Variants in BLTP1 observed in about 807,000 individuals in gnomAD.
The protein encoded by BLTP1 is fragile site-associated protein.
At chr4:122,189,299 G>C in the BLTP1 span, 3 of 980,024 alleles carry the variant, frequency 3.1e-6, no homozygotes, top group Non-Finnish European at 3.6e-6. Context: ...TGATATGCAA[G>C]AAGATATTGT....
At chr4:122,220,350 T>A in the BLTP1 span, 1 of 1,613,246 alleles carries the variant, frequency 6.2e-7, no homozygotes, top group African/African-American at 1.3e-5. Context: ...CTACTGATGG[T>A]CCTGAATGCC....
chr4:122,180,082 TA>T, the BLTP1 span: 4 of 983,746 alleles, frequency 4.1e-6, no homozygotes, highest in Non-Finnish European at 4.8e-6. Context: ...ACGGCTTCTT[TA>T]AAAAAACCTA....
At chr4:122,222,913 A>AT in the BLTP1 span, 6 of 796,696 alleles carry the variant, frequency 7.5e-6, no homozygotes, top group Non-Finnish European at 9.1e-6. Context: ...AGAATATAAT[A>AT]TTTATTGGTG....
At chr4:122,316,355 A>G in the BLTP1 span, 8 of 471,940 alleles carry the variant, frequency 1.7e-5, no homozygotes, top group Admixed American at 1.4e-4. Context: ...TAGAGTTCAG[A>G]TGGAAGTTCA....
At chr4:122,207,242 G>C in the BLTP1 span, 2 of 1,609,006 alleles carry the variant, frequency 1.2e-6, no homozygotes, top group African/African-American at 1.3e-5. Flanking sequence ...TGGATCGACT[G>C]TTCTACTAAA....
At chr4:122,174,167 C>T in the BLTP1 span, 3 of 982,744 alleles carry the variant, frequency 3.1e-6, no homozygotes, top group African/African-American at 3.5e-5. Context: ...ACCTTTTAGT[C>T]GACATAAAAC....
At chr4:122,312,917 A>T in the BLTP1 span, 2 of 869,674 alleles carry the variant, frequency 2.3e-6, no homozygotes, top group Non-Finnish European at 2.8e-6. Context: ...TCTTCTAAGG[A>T]TGACTGAGGA....
the BLTP1 span, chr4:122,164,526 C>A: frequency 3.5e-6 from 2 of 569,826 alleles, no homozygotes; most frequent in Non-Finnish European, 2.2e-6. Context: ...AAGAGGCTCA[C>A]AGTTTTGACT....
At chr4:122,360,879 C>T in the BLTP1 span, among the ~76,000 whole-genome samples, 1 of 152,010 alleles carries the variant, frequency 6.6e-6, no homozygotes, top group Non-Finnish European at 1.5e-5. Context: ...AAATAGTTAC[C>T]ATATTCCTTT....
chr4:122,308,149 A>C, the BLTP1 span: 1 of 1,613,158 alleles, frequency 6.2e-7, no homozygotes, highest in Non-Finnish European at 8.5e-7. Context: ...ACCTATCACA[A>C]ATACTGCACA....
the BLTP1 span, chr4:122,219,308 G>A: frequency 1.2e-6 from 2 of 1,603,532 alleles, no homozygotes; most frequent in Non-Finnish European, 1.7e-6. Flanking sequence ...TACCTCTTTT[G>A]ACAGCAATTT....
the BLTP1 span, chr4:122,271,222 T>C: frequency 6.2e-7 from 1 of 1,613,958 alleles, no homozygotes; most frequent in East Asian, 2.2e-5. Flanking sequence ...TAAGCCAGCA[T>C]GTAGATATGG....
chr4:122,272,478 GC>G, the BLTP1 span: 61 of 1,273,384 alleles, frequency 4.8e-5, no homozygotes, highest in Middle Eastern at 2.0e-4. Flanking sequence ...GAAAACCACT[GC>G]CATGTCTCCA....
At chr4:122,174,121 T>TC in the BLTP1 span, 4 of 815,704 alleles carry the variant, frequency 4.9e-6, no homozygotes, top group Non-Finnish European at 5.9e-6. Flanking sequence ...GAGAGATGAC[T>TC]GGAGAGAACC....
chr4:122,343,277 C>T, the BLTP1 span: 38 of 1,134,336 alleles, frequency 3.3e-5, no homozygotes, highest in African/African-American at 4.5e-4. Context: ...ATCTATTGAT[C>T]TGTTAAATCT....
At chr4:122,260,285 G>A in the BLTP1 span, among the ~76,000 whole-genome samples, 1 of 152,112 alleles carries the variant, frequency 6.6e-6, no homozygotes, top group Admixed American at 6.6e-5. Context: ...TGTATACGTT[G>A]CCTGTAGTTC....
chr4:122,267,349 G>A, the BLTP1 span, among the ~76,000 whole-genome samples: 2 of 152,040 alleles, frequency 1.3e-5, no homozygotes, highest in Non-Finnish European at 1.5e-5. Flanking sequence ...GTGAGCCATC[G>A]TGCCCAGCCA....
the BLTP1 span, chr4:122,350,126 T>C: frequency 1.3e-6 from 2 of 1,552,084 alleles, no homozygotes; most frequent in African/African-American, 2.8e-5. Context: ...ACTAAATATG[T>C]TACATTTTTA....
At chr4:122,273,128 C>T in the BLTP1 span, 2 of 744,280 alleles carry the variant, frequency 2.7e-6, no homozygotes, top group Non-Finnish European at 3.3e-6. Context: ...TGAAAATAAC[C>T]TGACAGATTA....
Sources: allele counts gnomAD v4.1 joint callset (sites outside exome capture counted in the v4.1 genomes callset), GRCh38; gene constraint gnomAD v4.1.1; transcripts MANE v1.5; gene names NCBI Gene and HGNC (gene_info 2026-07-23, HGNC 2026-07-21).